Variants in RFX8 observed in about 807,000 individuals in gnomAD.
The protein encoded by RFX8 is regulatory factor X8.
Under a neutral mutation model 54.6 loss-of-function variants are expected in RFX8, and 46 were observed. The ratio of observed to expected loss-of-function variants is 0.84; its 90% CI spans 0.67 to 1.08. The LOEUF (loss-of-function observed/expected upper bound fraction) is 1.08, where lower values mean the gene tolerates loss of function less well. Among genes scored for constraint, RFX8 ranks in the 50% least tolerant of loss-of-function variants. RFX8 has a pLI of 0.00. For missense variants in RFX8, 536 were observed against 562.3 expected (o/e 0.95, Z 0.47); for synonymous variants, 192 against 209.5 (o/e 0.92, Z 0.72).
rs73943472 is a variant in RFX8 at position 101,432,252 on chromosome 2, C to T, written c.73-9780G>A. On this transcript the variant is annotated intron_variant, in intron 2 of 11. Coordinates refer to ENST00000428343, the MANE Select transcript of RFX8 (RefSeq NM_001145664.2). ...TGAGGCCTCTGCAAACAAAGAACCA[C>T]AAAAATATTCAGGTGACAGGGGATT... Among the ~76,000 whole-genome samples the T allele has an allele frequency of 6.0e-3, 914 of 152,228 alleles. 7 individuals are homozygous for T. The highest frequency in any genetic ancestry group is 0.021 in the African/African-American group (882 of 41,522).
At chr2:101,411,788 C>A (rs1468215624) in intron 8 of RFX8, among the ~76,000 whole-genome samples, 2 of 152,132 alleles carry the variant, frequency 1.3e-5, no homozygotes, top group African/African-American at 4.8e-5. Flanking sequence ...TAGAGGGGAG[C>A]AGAGGTCATT....
chr2:101,402,570 C>G lies in RFX8; in HGVS notation c.1111G>C (p.Ala371Pro). ...FHSLNSSLSQACASPSMEPLG... is the reference protein window; with the variant it reads ...FHSLNSSLSQPCASPSMEPLG... Reference sequence around the variant, plus strand: ...GGCTCCATGCTGGGGCTGGCACACGCCTGCGACAGTGAGGAATTCAGAGAA... The same window carrying G: ...GGCTCCATGCTGGGGCTGGCACACGGCTGCGACAGTGAGGAATTCAGAGAA... Residue 371 changes from alanine (A) to proline (P), a missense_variant, in exon 11 of 12, where the codon GCG (alanine) becomes CCG (proline). Physicochemically the swap from Ala to Pro is conservative, Grantham distance 27 (BLOSUM62 -1). Coordinates refer to ENST00000428343, the MANE Select transcript of RFX8 (RefSeq NM_001145664.2). 6.4e-7 allele frequency: 1 copy of G among 1,551,920 alleles called. No homozygotes were observed. The highest frequency in any genetic ancestry group is 8.7e-7 in the Non-Finnish European group (1 of 1,147,048).
In RFX8 at chr2:101,422,479, A is replaced by G. The variant is rs1274071192; in HGVS notation, c.73-7T>C. 6.7e-7 allele frequency: 1 copy of G among 1,490,146 alleles called. No homozygotes were observed. The highest frequency in any genetic ancestry group is 2.0e-5 in the Admixed American group (1 of 50,868). 92.3% of individuals were successfully genotyped at this position (1,490,146 alleles called of 1,614,324 possible). A position where few individuals can be genotyped will look rare whatever the true frequency, so the allele number is the denominator to read the frequency against. ...TCGGTGAATGATCTTCACACTAAAA[A>G]TCATTTGTGCAATGGATTATGTCTT... is the stretch of plus-strand genomic sequence containing the variant. On this transcript the variant is annotated splice_region_variant and splice_polypyrimidine_tract_variant and intron_variant, in intron 2 of 11. Transcript: ENST00000428343.
In RFX8 at chr2:101,417,689, A is replaced by G; in HGVS notation, c.352-5T>C. On this transcript the variant is annotated splice_polypyrimidine_tract_variant and splice_region_variant and intron_variant, in intron 5 of 11. Transcript: ENST00000428343. ...AAGGAGAACATCCTCAATTCCCTAC[A>G]ACAAAAGTAACAAGACACTATGATT... 6.5e-7 allele frequency: 1 copy of G among 1,543,486 alleles called. No homozygotes were observed. Among genetic ancestry groups the G allele is most frequent in the Non-Finnish European group, 8.7e-7 (1 of 1,143,106 alleles).
At chr2:101,409,837 C>A (rs115747890) in intron 9 of RFX8, among the ~76,000 whole-genome samples, 1 of 152,052 alleles carries the variant, frequency 6.6e-6, no homozygotes, top group Non-Finnish European at 1.5e-5. Context: ...TAGCTCTCCC[C>A]ACCTGCCCTG....
chr2:101,425,447 A>G (rs1462231477), intron 2 of RFX8, among the ~76,000 whole-genome samples: 3 of 152,206 alleles, frequency 2.0e-5, no homozygotes, highest in Non-Finnish European at 4.4e-5. Flanking sequence ...AGCTTTAGGC[A>G]GACAGTTCTT....
At chr2:101,458,895 G>T (rs567321854) in intron 2 of RFX8, among the ~76,000 whole-genome samples, 2 of 152,040 alleles carry the variant, frequency 1.3e-5, no homozygotes, top group Non-Finnish European at 2.9e-5. Flanking sequence ...ATTTCTTGGC[G>T]GCTTTGTTCA....
chr2:101,410,588 C>CT (rs35603034), intron 9 of RFX8, 31 bp downstream of exon 9: 50,703 of 948,360 alleles, frequency 0.053, 3 homozygotes, highest in Non-Finnish European at 0.059. Flanking sequence ...GGTCAACACA[C>CT]TTTTTTTTTT....
At chr2:101,405,575 T>C (rs572694189) in intron 10 of RFX8, among the ~76,000 whole-genome samples, 1 of 152,316 alleles carries the variant, frequency 6.6e-6, no homozygotes, top group East Asian at 1.9e-4. Flanking sequence ...CAATGGCAAC[T>C]TAATCATTAT....
intron 2 of RFX8, among the ~76,000 whole-genome samples, chr2:101,425,501 C>T (rs536092187): frequency 9.9e-4 from 151 of 152,310 alleles, no homozygotes; most frequent in African/African-American, 3.5e-3. Context: ...ATGGCACATA[C>T]AACACAGTTT....
At chr2:101,399,078 G>A (rs552312703) in intron 11 of RFX8, among the ~76,000 whole-genome samples, 43 of 152,166 alleles carry the variant, frequency 2.8e-4, no homozygotes, top group Admixed American at 1.2e-3. Flanking sequence ...ACACGCCTTG[G>A]CATCTGACTA....
intron 1 of RFX8, among the ~76,000 whole-genome samples, chr2:101,472,974 G>A (rs927869052): frequency 1.3e-5 from 2 of 151,968 alleles, no homozygotes; most frequent in African/African-American, 2.4e-5. Flanking sequence ...AACCAAGATC[G>A]TGCCACTGCA....
chr2:101,411,447 G>A (rs1003194226), intron 8 of RFX8, among the ~76,000 whole-genome samples: 3 of 152,134 alleles, frequency 2.0e-5, no homozygotes, highest in Non-Finnish European at 4.4e-5. Flanking sequence ...GATGCCAGTA[G>A]GAGCACAGGA....
rs192520014 is a variant in RFX8, at chr2:101,470,938, C to A, written c.-53+3698G>T. On this transcript the variant is annotated intron_variant, in intron 1 of 11. Coordinates refer to ENST00000428343, the MANE Select transcript of RFX8 (RefSeq NM_001145664.2). ...GTTTCACCGTGTTAGCCAGGATGGT[C>A]TTGATCTCCTGACCTCGTGATCCAC... Among the ~76,000 whole-genome samples, 318 of 150,662 alleles carry A rather than the reference C, an allele frequency of 2.1e-3. 5 individuals are homozygous for A. The East Asian group carries it at 0.05, about 24-fold the overall frequency.
intron 2 of RFX8, among the ~76,000 whole-genome samples, chr2:101,434,036 C>T (rs1687636697): frequency 6.6e-6 from 1 of 152,146 alleles, no homozygotes; most frequent in Admixed American, 6.5e-5. Context: ...TCAGCACTTA[C>T]TCATCCTAAA....
intron 1 of RFX8, among the ~76,000 whole-genome samples, chr2:101,467,725 C>T (rs1689654588): frequency 6.6e-6 from 1 of 152,064 alleles, no homozygotes; most frequent in African/African-American, 2.4e-5. Flanking sequence ...AGACCAGCCC[C>T]GGCCCCTGGG....
chr2:101,436,166 T>G (rs986318902), intron 2 of RFX8, among the ~76,000 whole-genome samples: 2 of 152,282 alleles, frequency 1.3e-5, no homozygotes, highest in African/African-American at 2.4e-5. Context: ...TTACAGGGCT[T>G]AGGGGGCAAT....
chr2:101,410,130 C>T (rs1057089351), intron 9 of RFX8, among the ~76,000 whole-genome samples: 9 of 152,042 alleles, frequency 5.9e-5, no homozygotes, highest in Non-Finnish European at 1.3e-4. Context: ...TGCTGCAATA[C>T]ACACCTGCAG....
chr2:101,405,598 A>T (rs984091255), intron 10 of RFX8, among the ~76,000 whole-genome samples: 3 of 152,194 alleles, frequency 2.0e-5, no homozygotes, highest in African/African-American at 7.2e-5. Flanking sequence ...CTGAGAGTTA[A>T]GTATGAGTGC....
Sources: allele counts gnomAD v4.1 joint callset (sites outside exome capture counted in the v4.1 genomes callset), GRCh38; gene constraint gnomAD v4.1.1; transcripts MANE v1.5; gene names NCBI Gene and HGNC (gene_info 2026-07-23, HGNC 2026-07-21).